The following LMF1 variants were observed in gnomAD, a reference collection of about 807,000 sequenced individuals.
LMF1 encodes the protein transmembrane protein 112.
Under a neutral mutation model 60.6 loss-of-function variants are expected in LMF1, and 68 were observed. The ratio of observed to expected loss-of-function variants is 1.12; its 90% confidence interval spans 0.92 to 1.37. The LOEUF (loss-of-function observed/expected upper bound fraction) is 1.37, where lower values mean the gene tolerates loss of function less well. LMF1 is among the 40% of genes most tolerant of loss of function. The pLI is 0.00. For missense variants in LMF1, 948 were observed against 767.2 expected (o/e 1.24, Z -2.78); for synonymous variants, 418 against 324.7 (o/e 1.29, Z -3.09).
intron 5 of LMF1, among the ~76,000 whole-genome samples, chr16:889,833 G>A (rs894772638): frequency 2.6e-5 from 4 of 152,136 alleles, no homozygotes; most frequent in African/African-American, 7.2e-5. Context: ...CCAGTGCCTC[G>A]TCATCAAGAC....
intron 10 of LMF1, among the ~76,000 whole-genome samples, chr16:864,316 TAA>T: frequency 6.6e-6 from 1 of 152,262 alleles, no homozygotes. Flanking sequence ...AGAGGGTCCC[TAA>T]CTTATGAGAG....
chr16:854,688 G>A lies in LMF1; in HGVS notation c.1548C>T (p.His516=), dbSNP rs780474952. The A allele has an allele frequency of 4.4e-6, 7 of 1,598,116 alleles. No individual in the cohort carries two copies. The Admixed American group carries it at 8.5e-5, about 19-fold the overall frequency. The change falls in exon 11 of 11, where the codon CAC becomes CAT. Residue 516 remains histidine, a synonymous_variant. Coordinates refer to ENST00000262301, the MANE Select transcript of LMF1 (RefSeq NM_022773.4). The part of the protein sequence containing the change: ...RPPPRWVRGE[H]YRYKFSRPGG... The stretch of plus-strand genomic sequence containing the variant: ...CAGGACGGCTGAACTTGTACCTGTA[G>A]TGCTCTCCTCGGACCCACCTGCAAG...
At chr16:900,731 G>GTGTGTT (rs2070790023) in intron 4 of LMF1, 1 of 137,322 alleles carries the variant, frequency 7.3e-6, no homozygotes, top group Admixed American at 7.5e-5. Flanking sequence ...GTGTGTGTGT[G>GTGTGTT]TTTTAGTACA....
At chr16:886,020 T>A (rs895965756) in intron 5 of LMF1, among the ~76,000 whole-genome samples, 3 of 152,190 alleles carry the variant, frequency 2.0e-5, no homozygotes, top group Non-Finnish European at 4.4e-5. Context: ...AATAAAGGAA[T>A]TAAATTAGAA....
chr16:869,640 C>T, intron 9 of LMF1: 2 of 657,406 alleles, frequency 3.0e-6, no homozygotes, highest in East Asian at 2.8e-5. Flanking sequence ...GCTGGGATTC[C>T]TGGCATGAGA....
intron 1 of LMF1, chr16:963,986 C>CA (rs1477558923): frequency 2.2e-6 from 1 of 454,474 alleles, no homozygotes; most frequent in African/African-American, 2.0e-5. Context: ...GTCACTACCC[C>CA]ACACGGGAGG....
At chr16:932,682 A>C (rs1315827518) in intron 3 of LMF1, among the ~76,000 whole-genome samples, 7 of 152,156 alleles carry the variant, frequency 4.6e-5, no homozygotes, top group Admixed American at 4.6e-4. Flanking sequence ...CAGCCCCCAA[A>C]CTGCTAAGAT....
rs1391718066 is a variant in LMF1, at chr16:878,621, ACCCGGCCAACAACCATGGGCGC to A, written c.897+927_897+948del. On this transcript the variant is annotated intron_variant, in intron 6 of 10. Transcript: ENST00000262301. The surrounding 1 kb of genome is among the most constrained non-coding windows in gnomAD (Gnocchi z 5.2). ...CCGCAGGCACGCACCGTGAAACAGG[ACCCGGCCAACAACCATGGGCGC>A]CCCCACGTGCACCAACGTGGCGTGG... is the stretch of plus-strand genomic sequence containing the variant. 1.3e-5 allele frequency among the ~76,000 whole-genome samples: 2 copies of A among 151,894 alleles called. No individual in the cohort carries two copies. The highest frequency in any genetic ancestry group is 2.9e-5 in the Non-Finnish European group (2 of 68,022).
In LMF1 at chr16:904,503, T is replaced by C. The variant is rs539391642; in HGVS notation, c.663+6428A>G. ...ACCTCTGCACCGCCCACAGGACGCCTGTCTCTGCTGCGTGGTGGTGACCTC... is the reference window on the plus strand; with the variant it reads ...ACCTCTGCACCGCCCACAGGACGCCCGTCTCTGCTGCGTGGTGGTGACCTC... On this transcript the variant is annotated intron_variant, in intron 4 of 10. Transcript: ENST00000262301. 8.3e-3 allele frequency among the ~76,000 whole-genome samples: 531 copies of C among 63,662 alleles called. 10 individuals carry two copies. The highest frequency in any genetic ancestry group is 0.064 in the African/African-American group (499 of 7,836). 41.8% of individuals were successfully genotyped at this position (63,662 alleles called of 152,430 possible).
intron 10 of LMF1, among the ~76,000 whole-genome samples, chr16:857,843 T>C (rs1596824780): frequency 1.4e-5 from 1 of 70,252 alleles, no homozygotes; most frequent in East Asian, 3.7e-4. Context: ...GGGATGGGTG[T>C]GAGTGGTGTC....
At chr16:889,407 G>A (rs950098713) in intron 5 of LMF1, among the ~76,000 whole-genome samples, 2 of 149,116 alleles carry the variant, frequency 1.3e-5, no homozygotes, top group African/African-American at 5.2e-5. Flanking sequence ...TGAGGCTGTG[G>A]ATGGCCATGG....
At chr16:926,120 ATATGTCTG>A (rs1567252061) in intron 3 of LMF1, among the ~76,000 whole-genome samples, 1 of 151,068 alleles carries the variant, frequency 6.6e-6, no homozygotes, top group Non-Finnish European at 1.5e-5. Context: ...TATGATCTGA[ATATGTCTG>A]TGTGTGCATG....
intron 10 of LMF1, among the ~76,000 whole-genome samples, chr16:859,198 T>C (rs1327516282): frequency 2.7e-3 from 246 of 90,568 alleles, no homozygotes; most frequent in African/African-American, 0.015. Context: ...GGGACGGGTG[T>C]GAGTGGTGTC....
chr16:932,419 C>T (rs555233910), intron 3 of LMF1, among the ~76,000 whole-genome samples: 1 of 152,342 alleles, frequency 6.6e-6, no homozygotes, highest in South Asian at 2.1e-4. Flanking sequence ...ACCCTCTGAC[C>T]CGCGCACTGG....
At chr16:980,747 G>C (rs905647412) in intron 1 of LMF1, 12 of 152,060 alleles carry the variant, frequency 7.9e-5, no homozygotes, top group Middle Eastern at 3.2e-3. Flanking sequence ...GTTCGCCTCG[G>C]GGGGGGCAAT....
chr16:965,638 G>C (rs889285681), intron 1 of LMF1, among the ~76,000 whole-genome samples: 2 of 152,190 alleles, frequency 1.3e-5, no homozygotes, highest in African/African-American at 4.8e-5. Flanking sequence ...GGTCCTTTCT[G>C]GAAAAGCTGC....
intron 2 of LMF1, among the ~76,000 whole-genome samples, chr16:936,332 G>C (rs1249330321): frequency 1.4e-5 from 2 of 143,992 alleles, no homozygotes; most frequent in Non-Finnish European, 3.0e-5. Flanking sequence ...CTGGGAGAGA[G>C]AGGGGGCACC....
chr16:981,384 G>C (rs1235472341), upstream of LMF1: 3 of 319,228 alleles, frequency 9.4e-6, no homozygotes, highest in Admixed American at 8.6e-5. Context: ...GTGTGTGTGT[G>C]TGTGTGTCGG....
chr16:973,292 C>A (rs1025308135), upstream of LMF1, among the ~76,000 whole-genome samples: 2 of 152,154 alleles, frequency 1.3e-5, no homozygotes, highest in African/African-American at 4.8e-5. Context: ...TTGCAGTGAG[C>A]CTAGATCGCG....
Sources: gnomAD v4.1 joint callset for allele counts (sites outside exome capture counted in the v4.1 genomes callset) on GRCh38, gnomAD v4.1.1 for gene constraint, Gnocchi (gnomAD v3.1) non-coding constraint, MANE v1.5 for transcripts, NCBI Gene and HGNC (gene_info 2026-07-23, HGNC 2026-07-21) for gene names.